SLC2A13: variants seen among roughly 807,000 people sequenced by gnomAD.
SLC2A13 encodes proton myo-inositol cotransporter.
Under a neutral mutation model 64.4 loss-of-function variants are expected in SLC2A13, and 32 were observed. The ratio of observed to expected loss-of-function variants is 0.50; its 90% CI spans 0.37 to 0.67. The LOEUF is 0.67. Among genes scored for constraint, SLC2A13 ranks in the 30% least tolerant of loss-of-function variants. The pLI is 0.00. For missense variants in SLC2A13, 743 were observed against 829.2 expected (o/e 0.90, Z 1.28); for synonymous variants, 338 against 327.1 (o/e 1.03, Z -0.36).
In SLC2A13 at chr12:39,758,432, C is replaced by G. The variant is rs1206169208; in HGVS notation, c.*1594G>C. The G allele has an allele frequency of 6.6e-6, 1 of 151,826 alleles. No individual in the cohort carries two copies. Among genetic ancestry groups the G allele is most frequent in the Non-Finnish European group, 1.5e-5 (1 of 67,754 alleles). The allele number at this position is 151,826 out of a possible 1,614,324, so 9.4% of individuals were successfully genotyped here. A position where few individuals can be genotyped will look rare whatever the true frequency, so the allele number is the denominator to read the frequency against. Reference sequence around the variant, plus strand: ...GATAGCCACCTTTTCTCTCCAAATACAGTACCTTATTAGATGTTTAGAGCC... The same window carrying G: ...GATAGCCACCTTTTCTCTCCAAATAGAGTACCTTATTAGATGTTTAGAGCC... On this transcript the variant is annotated 3_prime_UTR_variant, in exon 10 of 10. Coordinates refer to ENST00000280871, the MANE Select transcript of SLC2A13 (RefSeq NM_052885.4).
At chr12:39,885,481 T>C (rs1424296488) in intron 4 of SLC2A13, among the ~76,000 whole-genome samples, 1 of 152,170 alleles carries the variant, frequency 6.6e-6, no homozygotes, top group East Asian at 1.9e-4. Flanking sequence ...TTCTACAATG[T>C]GGATGAAGCA....
In SLC2A13 at chr12:39,812,996, A is replaced by ATTTTTTTTTTTTTTTTTTTT; in HGVS notation, c.1445+17087_1445+17106dup. ...AGGCGCCTGACATCATGCCCAGCTA[A>ATTTTTTTTTTTTTTTTTTTT]TTTTTTTTTTTTTTTTTTTTTTTTT... On this transcript the variant is annotated intron_variant, in intron 7 of 9. Coordinates refer to ENST00000280871, the MANE Select transcript of SLC2A13 (RefSeq NM_052885.4). Among the ~76,000 whole-genome samples the ATTTTTTTTTTTTTTTTTTTT allele has an allele frequency of 3.4e-4, 14 of 40,616 alleles. 6 individuals carry two copies. Among genetic ancestry groups the ATTTTTTTTTTTTTTTTTTTT allele is most frequent in the Admixed American group, 1.1e-3 (2 of 1,904 alleles). 26.6% of individuals were successfully genotyped at this position (40,616 alleles called of 152,430 possible). A position where few individuals can be genotyped will look rare whatever the true frequency, so the allele number is the denominator to read the frequency against.
chr12:39,857,580 C>T (rs1375696157), intron 6 of SLC2A13, among the ~76,000 whole-genome samples: 2 of 152,144 alleles, frequency 1.3e-5, no homozygotes, highest in Non-Finnish European at 2.9e-5. Context: ...ATTTGTCTGT[C>T]TGTAATCAAT....
chr12:39,804,650 C>T (rs142969302), intron 7 of SLC2A13, among the ~76,000 whole-genome samples: 3 of 152,086 alleles, frequency 2.0e-5, no homozygotes, highest in African/African-American at 7.2e-5. Flanking sequence ...TTCTAGGCTC[C>T]CACACACTGT....
At chr12:39,921,626 T>C (rs1436351429) in intron 4 of SLC2A13, among the ~76,000 whole-genome samples, 1 of 152,152 alleles carries the variant, frequency 6.6e-6, no homozygotes, top group Non-Finnish European at 1.5e-5. Flanking sequence ...TTATGTTCTA[T>C]TTTAAGTTGG....
rs202039296 is a variant in SLC2A13 at position 39,979,977 on chromosome 12, G to A, written c.926-28612C>T. ...CCATCAGACTAACAGCGGATCTCTC[G>A]GCAGAAACCCTACAAGCCAGAAGAG... On this transcript the variant is annotated intron_variant, in intron 3 of 9. Transcript: ENST00000280871. 0.034 allele frequency among the ~76,000 whole-genome samples: 5,023 copies of A among 149,018 alleles called. 364 individuals are homozygous for A. The East Asian group carries it at 0.37, about 11-fold the overall frequency.
At chr12:40,046,316 G>A (rs1055498267) in intron 2 of SLC2A13, among the ~76,000 whole-genome samples, 6 of 152,058 alleles carry the variant, frequency 3.9e-5, no homozygotes, top group African/African-American at 1.2e-4. Flanking sequence ...GCTTTTACAC[G>A]GGCACACCAC....
chr12:39,896,140 AC>A (rs1368697301), intron 4 of SLC2A13, among the ~76,000 whole-genome samples: 11 of 147,676 alleles, frequency 7.4e-5, no homozygotes, highest in East Asian at 2.0e-4. Flanking sequence ...ATACACGTGT[AC>A]CTATATATGT....
intron 7 of SLC2A13, among the ~76,000 whole-genome samples, chr12:39,787,508 CTTTA>C (rs1331065785): frequency 4.6e-5 from 7 of 152,052 alleles, no homozygotes; most frequent in Non-Finnish European, 8.8e-5. Context: ...CTTCAGTTCA[CTTTA>C]TTTATTTATC....
chr12:39,869,285 G>A (rs1943983694), intron 5 of SLC2A13, among the ~76,000 whole-genome samples: 1 of 152,180 alleles, frequency 6.6e-6, no homozygotes, highest in African/African-American at 2.4e-5. Flanking sequence ...TTCTGAAGGT[G>A]TAAAGGTCCA....
intron 3 of SLC2A13, among the ~76,000 whole-genome samples, chr12:39,963,130 C>T (rs1946444429): frequency 6.6e-6 from 1 of 151,610 alleles, no homozygotes; most frequent in Non-Finnish European, 1.5e-5. Flanking sequence ...ACTAAAAATA[C>T]AAAAAAATTA....
chr12:39,904,724 G>C (rs557043935), intron 4 of SLC2A13, among the ~76,000 whole-genome samples: 1 of 152,204 alleles, frequency 6.6e-6, no homozygotes, highest in South Asian at 2.1e-4. Flanking sequence ...AAGTAAACTA[G>C]ACTACAAGCC....
intron 4 of SLC2A13, among the ~76,000 whole-genome samples, chr12:39,877,890 C>T (rs1048524380): frequency 6.6e-6 from 1 of 152,164 alleles, no homozygotes; most frequent in African/African-American, 2.4e-5. Context: ...TGAGGTAGGG[C>T]ATGGTGGGAG....
At chr12:39,771,240 T>TTTGTAAG (rs1940561878) in intron 7 of SLC2A13, among the ~76,000 whole-genome samples, 1 of 152,098 alleles carries the variant, frequency 6.6e-6, no homozygotes, top group African/African-American at 2.4e-5. Context: ...GTGTAGTTCC[T>TTTGTAAG]TTTTCTGGAG....
intron 7 of SLC2A13, among the ~76,000 whole-genome samples, chr12:39,811,560 T>C (rs1385187863): frequency 1.3e-5 from 2 of 152,192 alleles, no homozygotes; most frequent in African/African-American, 4.8e-5. Context: ...TGTCCTTTTT[T>C]ACAGCATGGG....
chr12:39,854,096 A>G (rs1943540807), intron 6 of SLC2A13, among the ~76,000 whole-genome samples: 1 of 152,044 alleles, frequency 6.6e-6, no homozygotes, highest in South Asian at 2.1e-4. Flanking sequence ...TAGTATTGAC[A>G]TAAGCAAAAA....
At chr12:39,906,558 C>G (rs1478818603) in intron 4 of SLC2A13, among the ~76,000 whole-genome samples, 2 of 152,028 alleles carry the variant, frequency 1.3e-5, no homozygotes, top group African/African-American at 4.8e-5. Flanking sequence ...TTGAAAGAAA[C>G]CATTTTATTT....
At position 39,812,996 on chromosome 12, in the gene SLC2A13, A is replaced by ATT. The variant is rs71449493; in HGVS notation, c.1445+17105_1445+17106dup. 1.9e-3 allele frequency among the ~76,000 whole-genome samples: 77 copies of ATT among 40,608 alleles called. 15 individuals are homozygous for ATT. The highest frequency in any genetic ancestry group is 6.4e-3 in the African/African-American group (69 of 10,808). 26.6% of individuals were successfully genotyped at this position (40,608 alleles called of 152,430 possible). A position where few individuals can be genotyped will look rare whatever the true frequency, so the allele number is the denominator to read the frequency against. On this transcript the variant is annotated intron_variant, in intron 7 of 9. Transcript: ENST00000280871. Reference sequence around the variant, plus strand: ...AGGCGCCTGACATCATGCCCAGCTAATTTTTTTTTTTTTTTTTTTTTTTTT... The same window carrying ATT: ...AGGCGCCTGACATCATGCCCAGCTAATTTTTTTTTTTTTTTTTTTTTTTTTTT...
chr12:39,796,045 T>C (rs1040780482), intron 7 of SLC2A13, among the ~76,000 whole-genome samples: 4 of 152,214 alleles, frequency 2.6e-5, no homozygotes, highest in Middle Eastern at 3.4e-3. Context: ...CCAAACCTCT[T>C]CTCCCCCCAG....
Sources: allele counts gnomAD v4.1 joint callset (sites outside exome capture counted in the v4.1 genomes callset), GRCh38; gene constraint gnomAD v4.1.1; transcripts MANE v1.5; gene names NCBI Gene and HGNC (gene_info 2026-07-23, HGNC 2026-07-21).